The following NIN variants were observed in gnomAD, a reference collection of about 807,000 sequenced individuals.
NIN encodes the protein glycogen synthase kinase 3 beta-interacting protein.
NIN carries 137 observed loss-of-function variants against 257.6 expected under a neutral mutation model. That is an observed-to-expected ratio of 0.53 (90% CI 0.46 to 0.61). The LOEUF (loss-of-function observed/expected upper bound fraction) is 0.61. Among genes scored for constraint, NIN ranks in the 20% least tolerant of loss-of-function variants. NIN has a pLI of 0.00. For missense variants in NIN, 2,439 were observed against 2,501.2 expected (o/e 0.98, Z 0.53); for synonymous variants, 918 against 919.8 (o/e 1.00, Z 0.04).
intron 5 of NIN, among the ~76,000 whole-genome samples, chr14:50,779,452 A>T (rs1055513343): frequency 2.0e-5 from 3 of 152,232 alleles, no homozygotes; most frequent in Non-Finnish European, 4.4e-5. Flanking sequence ...TAAACTGCAG[A>T]GAGCCAAATG....
chr14:50,793,597 T>C (rs1422376452), intron 4 of NIN, among the ~76,000 whole-genome samples: 3 of 152,330 alleles, frequency 2.0e-5, no homozygotes, highest in East Asian at 3.9e-4. Context: ...AAAAGGAATG[T>C]GCATGAGGTG....
intron 22 of NIN, 78 bp downstream of exon 22, chr14:50,747,914 G>T: frequency 1.1e-6 from 1 of 947,420 alleles, no homozygotes; most frequent in Non-Finnish European, 1.7e-6. Flanking sequence ...ACAACTGGTG[G>T]TTAGAAATAC....
chr14:50,793,936 T>C (rs1322012986), intron 4 of NIN, among the ~76,000 whole-genome samples: 1 of 152,264 alleles, frequency 6.6e-6, no homozygotes, highest in Non-Finnish European at 1.5e-5. Flanking sequence ...GCTGTCCACA[T>C]ATTCATACTC....
chr14:50,732,065 C>T lies in NIN; in HGVS notation c.5878-2342G>A, dbSNP rs76962368. Among the ~76,000 whole-genome samples, 1,313 of 152,206 alleles carry T rather than the reference C, an allele frequency of 8.6e-3. 18 individuals carry two copies. Among genetic ancestry groups the T allele is most frequent in the African/African-American group, 0.027 (1,136 of 41,506 alleles). On this transcript the variant is annotated intron_variant, in intron 28 of 30. Coordinates refer to ENST00000530997, the MANE Select transcript of NIN (RefSeq NM_020921.4). ...TGAACCGCTCATGTTGAAAAAGCTC[C>T]GAAGTAGGCGTCAAATTCTAGCCCT...
Position 50,721,063 on chromosome 14 carries a change from T to C in NIN, c.*2400A>G, listed in dbSNP as rs918487078. 1.0e-5 allele frequency: 2 copies of C among 194,460 alleles called. No individual in the cohort carries two copies. Among genetic ancestry groups the C allele is most frequent in the Non-Finnish European group, 1.1e-5 (1 of 93,338 alleles). 12.0% of individuals were successfully genotyped at this position (194,460 alleles called of 1,614,324 possible). A position where few individuals can be genotyped will look rare whatever the true frequency, so the allele number is the denominator to read the frequency against. ...GGTCTTTTAAAAGCTATAAGTTCTA[T>C]TATAAATTGCCAACTAAATTATAAA... On this transcript the variant is annotated 3_prime_UTR_variant, in exon 31 of 31. Transcript: ENST00000530997.
intron 5 of NIN, among the ~76,000 whole-genome samples, chr14:50,788,069 T>C (rs930141365): frequency 1.3e-5 from 2 of 152,118 alleles, no homozygotes; most frequent in Non-Finnish European, 2.9e-5. Context: ...ACATCATAGA[T>C]GTAAACATGT....
rs757005910 is a variant in NIN, at chr14:50,738,183, T to A, written c.5732A>T (p.Glu1911Val). The change falls in exon 27 of 31, where the codon GAG (glutamate) becomes GTG (valine). Residue 1911 changes from glutamate (E) to valine (V), a missense_variant. Physicochemically the swap from Glu to Val is moderately radical, Grantham distance 121. This residue lies in a region of NIN where 2,043 missense variants were observed against 2,050.2 expected (regional missense o/e 1.00). Transcript: ENST00000530997. ...TEQEKLSLKR[E>V]CDQFQKEQSP... is the part of the protein sequence containing the mutation. ...TTGTTCTTTCTGAAACTGATCACAC[T>A]CTCTCTTTAAGCTCAATTTTTCTTG... 1.9e-6 allele frequency: 3 copies of A among 1,614,134 alleles called. No individual in the cohort carries two copies. Among genetic ancestry groups the A allele is most frequent in the Non-Finnish European group, 2.5e-6 (3 of 1,180,010 alleles).
chr14:50,733,962 C>G (rs533196267), intron 28 of NIN, among the ~76,000 whole-genome samples: 1 of 152,150 alleles, frequency 6.6e-6, no homozygotes, highest in Non-Finnish European at 1.5e-5. Context: ...TAGTGCTATA[C>G]GTTTGCCCAT....
Position 50,720,618 on chromosome 14 carries a change from A to G in NIN, c.*2845T>C, listed in dbSNP as rs1408475755. 4.8e-6 allele frequency: 1 copy of G among 206,880 alleles called. No individual in the cohort carries two copies. The highest frequency in any genetic ancestry group is 2.3e-5 in the African/African-American group (1 of 43,944). The allele number at this position is 206,880 out of a possible 1,614,324, so 12.8% of individuals were successfully genotyped here. A position where few individuals can be genotyped will look rare whatever the true frequency, so the allele number is the denominator to read the frequency against. ...ATTGAAATTTCTGGGAAGAATTCAC[A>G]TTTAAAACAGTTTAAAAAATCTGGA... On this transcript the variant is annotated 3_prime_UTR_variant, in exon 31 of 31. Transcript: ENST00000530997.
At chr14:50,725,674 C>T (rs1005992244) in intron 30 of NIN, among the ~76,000 whole-genome samples, 1 of 151,704 alleles carries the variant, frequency 6.6e-6, no homozygotes, top group East Asian at 1.9e-4. Context: ...TTTTTTTGAT[C>T]TTTAAAATCT....
At chr14:50,823,022 T>C (rs2045298139) in intron 2 of NIN, among the ~76,000 whole-genome samples, 2 of 152,188 alleles carry the variant, frequency 1.3e-5, no homozygotes, top group African/African-American at 4.8e-5. Context: ...CACCTACCCA[T>C]ACTCCAGGCT....
At chr14:50,811,950 C>T (rs964385093) in intron 3 of NIN, among the ~76,000 whole-genome samples, 51 of 69,622 alleles carry the variant, frequency 7.3e-4, no homozygotes, top group African/African-American at 2.4e-3. Flanking sequence ...GCCAAGACTC[C>T]GTCTCCAAAA....
chr14:50,731,554 G>A (rs1463666005), intron 28 of NIN, among the ~76,000 whole-genome samples: 1 of 149,942 alleles, frequency 6.7e-6, no homozygotes, highest in Non-Finnish European at 1.5e-5. Flanking sequence ...AAAAAAATTA[G>A]GTCGCGTATG....
Position 50,729,546 on chromosome 14 carries a change from T to C in NIN, c.6055A>G (p.Thr2019Ala), listed in dbSNP as rs375970127. 1.9e-5 allele frequency: 30 copies of C among 1,613,608 alleles called. No homozygotes were observed. Among genetic ancestry groups the C allele is most frequent in the Non-Finnish European group, 1.1e-5 (13 of 1,179,892 alleles). ...QHLQEELENR[T>A]SETNTPQGNQ... ...ACCTGTGGTGTGTTGGTTTCGGAGG[T>C]CCTGTTTTCAAGTTCCTCCTGCAGG... Residue 2019 changes from threonine to alanine, a missense_variant, in exon 29 of 31, where the codon ACC becomes GCC. Around this residue, in one of 3 missense-constraint regions of NIN, gnomAD observed 2,043 missense variants for 2,050.2 expected, o/e 1.00. Coordinates refer to ENST00000530997, the MANE Select transcript of NIN (RefSeq NM_020921.4).
rs201471495 is a variant in NIN, at chr14:50,732,733, T to TG, written c.5877+2782dup. ...TGTTTTTGTTTGTTTTTTTGTTTTT[T>TG]GGGTTTTTTTTTGAGACGGAGTCTT... On this transcript the variant is annotated intron_variant, in intron 28 of 30. Transcript: ENST00000530997. 6.5e-3 allele frequency among the ~76,000 whole-genome samples: 988 copies of TG among 151,522 alleles called. 10 individuals carry two copies. Among genetic ancestry groups the TG allele is most frequent in the African/African-American group, 0.023 (950 of 41,218 alleles).
chr14:50,750,352 C>T (rs755265225), intron 21 of NIN, among the ~76,000 whole-genome samples: 5 of 152,240 alleles, frequency 3.3e-5, no homozygotes, highest in East Asian at 1.9e-4. Context: ...ATCCAAATAC[C>T]GCAGATCTCA....
chr14:50,818,557 G>T (rs940310767), intron 3 of NIN, among the ~76,000 whole-genome samples: 1 of 152,118 alleles, frequency 6.6e-6, no homozygotes, highest in Non-Finnish European at 1.5e-5. Flanking sequence ...CGACTAGATT[G>T]TAAGTTTTTC....
chr14:50,739,344 C>G lies in NIN; in HGVS notation c.5592G>C (p.Gln1864His). The change falls in exon 26 of 31, where the codon CAG becomes CAC. Residue 1864 changes from glutamine (Q) to histidine (H), a missense_variant. This residue lies in a region of NIN where 2,043 missense variants were observed against 2,050.2 expected (regional missense o/e 1.00). Transcript: ENST00000530997. ...QENERLQTMV[Q>H]NTKAELTHSR... ...AGTGCGTGAGTTCGGCTTTGGTGTT[C>G]TGTACCATGGTCTGGAGCCTCTCAT... The G allele has an allele frequency of 6.2e-7, 1 of 1,614,224 alleles. No individual in the cohort carries two copies. The highest frequency in any genetic ancestry group is 2.2e-5 in the East Asian group (1 of 44,882).
chr14:50,774,829 A>C (rs1354216141), intron 7 of NIN, among the ~76,000 whole-genome samples: 1 of 152,220 alleles, frequency 6.6e-6, no homozygotes, highest in East Asian at 1.9e-4. Context: ...GATGAATAGA[A>C]GAGTGTGGAT....
Sources: allele counts gnomAD v4.1 joint callset (sites outside exome capture counted in the v4.1 genomes callset), GRCh38; gene constraint gnomAD v4.1.1; regional missense constraint gnomAD v4.1.1; transcripts MANE v1.5; gene names NCBI Gene and HGNC (gene_info 2026-07-23, HGNC 2026-07-21).